ITPR1: variants seen among roughly 807,000 people sequenced by gnomAD.
The protein encoded by ITPR1 is inositol 1,4,5-trisphosphate receptor type 1.
A neutral mutation model predicts 318.4 loss-of-function variants in ITPR1; 96 were observed. The observed-to-expected ratio is 0.30, with a 90% confidence interval of 0.26 to 0.36. The LOEUF (loss-of-function observed/expected upper bound fraction) is 0.36. ITPR1 is among the 10% of genes least tolerant of loss of function. The probability of loss-of-function intolerance (pLI) is 1.00; values close to 1 mark genes in which losing one functional copy is unlikely to be tolerated. For missense variants in ITPR1, 2,440 were observed against 3,460.2 expected, an observed-to-expected ratio of 0.71 and a Z score of 7.40; for synonymous variants, 1,312 against 1,289.9, an observed-to-expected ratio of 1.02 and a Z score of -0.37.
At chr3:4,586,381 C>T (rs940462255) in intron 4 of ITPR1, among the ~76,000 whole-genome samples, 1 of 152,168 alleles carries the variant, frequency 6.6e-6, no homozygotes, top group African/African-American at 2.4e-5. Context: ...TTAACATGCC[C>T]ACAGCAACAT....
At chr3:4,702,582 A>T (rs891791709) in intron 35 of ITPR1, among the ~76,000 whole-genome samples, 13 of 152,206 alleles carry the variant, frequency 8.5e-5, no homozygotes, top group African/African-American at 2.9e-4. Flanking sequence ...CTTAGTTAAA[A>T]TAGCATCAAG....
At chr3:4,626,977 C>A (rs372474531) in intron 4 of ITPR1, among the ~76,000 whole-genome samples, 1 of 152,064 alleles carries the variant, frequency 6.6e-6, no homozygotes, top group South Asian at 2.1e-4. Flanking sequence ...TACCACTATA[C>A]CTGGCTAATT....
At chr3:4,521,793 C>G (rs992667808) in intron 4 of ITPR1, among the ~76,000 whole-genome samples, 1 of 152,160 alleles carries the variant, frequency 6.6e-6, no homozygotes, top group Non-Finnish European at 1.5e-5. Context: ...TCACCTGAGC[C>G]TGGGAGTTCC....
chr3:4,777,935 G>A (rs1479091531), intron 48 of ITPR1, among the ~76,000 whole-genome samples: 1 of 152,176 alleles, frequency 6.6e-6, no homozygotes, highest in Non-Finnish European at 1.5e-5. Flanking sequence ...ATGTGCCTGC[G>A]GGCCTCTGCT....
Position 4,693,549 on chromosome 3 carries a change from T to G in ITPR1, c.4089T>G (p.Thr1363=), listed in dbSNP as rs1260909358. ...ACAACGACAGAGCCTCTTTCCAGAC[T>G]CTGATCCAGATGATGCGGTCAGAAC... The part of the protein sequence containing the change: ...VFYNDRASFQ[T]LIQMMRSERD... Residue 1363 remains threonine, a synonymous_variant, in exon 33 of 62, where the codon ACT becomes ACG. Coordinates refer to ENST00000649015, the MANE Select transcript of ITPR1 (RefSeq NM_001378452.1). 1 of 1,614,012 alleles carries G rather than the reference T, an allele frequency of 6.2e-7. No individual in the cohort carries two copies. Among genetic ancestry groups the G allele is most frequent in the Admixed American group, 1.7e-5 (1 of 60,030 alleles).
intron 5 of ITPR1, among the ~76,000 whole-genome samples, chr3:4,632,291 A>G (rs2093037998): frequency 6.6e-6 from 1 of 152,180 alleles, no homozygotes; most frequent in Non-Finnish European, 1.5e-5. Context: ...TGGTATAAAG[A>G]TCATTTTGTT....
chr3:4,590,174 C>CTTTT (rs10713337), intron 4 of ITPR1, among the ~76,000 whole-genome samples: 82 of 87,432 alleles, frequency 9.4e-4, no homozygotes, highest in East Asian at 1.8e-3. Flanking sequence ...CTTCGTCTTG[C>CTTTT]TTTTTTTTTT....
At position 4,535,568 on chromosome 3, in the gene ITPR1, G is replaced by A. The variant is rs534009228; in HGVS notation, c.163+14474G>A. Among the ~76,000 whole-genome samples, 835 of 147,940 alleles carry A rather than the reference G, an allele frequency of 5.6e-3. 6 individuals are homozygous for A. The highest frequency in any genetic ancestry group is 0.02 in the African/African-American group (805 of 40,232). Reference sequence around the variant, plus strand: ...CACCATTCTCCTGCCTCAGCCTCCCGAGTAGCTGGGACTACAGGTGCCTGC... The same window carrying A: ...CACCATTCTCCTGCCTCAGCCTCCCAAGTAGCTGGGACTACAGGTGCCTGC... On this transcript the variant is annotated intron_variant, in intron 4 of 61. Coordinates refer to ENST00000649015, the MANE Select transcript of ITPR1 (RefSeq NM_001378452.1).
intron 45 of ITPR1, among the ~76,000 whole-genome samples, chr3:4,767,858 A>G (rs1344449073): frequency 6.6e-6 from 1 of 152,080 alleles, no homozygotes; most frequent in East Asian, 1.9e-4. Flanking sequence ...TCATGTCACC[A>G]CCGCAAGATA....
intron 60 of ITPR1, among the ~76,000 whole-genome samples, chr3:4,835,680 T>C (rs2050856071): frequency 6.6e-6 from 1 of 152,148 alleles, no homozygotes; most frequent in African/African-American, 2.4e-5. Flanking sequence ...AATGAGTCAG[T>C]TTTCTTCCCC....
chr3:4,508,796 G>C (rs2081584072), intron 2 of ITPR1, among the ~76,000 whole-genome samples: 1 of 152,132 alleles, frequency 6.6e-6, no homozygotes, highest in Non-Finnish European at 1.5e-5. Context: ...AGAAGGCGGG[G>C]GAGTTGAGTT....
At chr3:4,718,688 A>G (rs1018453513) in intron 40 of ITPR1, among the ~76,000 whole-genome samples, 1 of 152,180 alleles carries the variant, frequency 6.6e-6, no homozygotes, top group Non-Finnish European at 1.5e-5. Context: ...CCTTATATTA[A>G]TTAGACGGGA....
At chr3:4,761,423 G>T (rs932708430) in intron 44 of ITPR1, among the ~76,000 whole-genome samples, 2 of 152,180 alleles carry the variant, frequency 1.3e-5, no homozygotes, top group Non-Finnish European at 2.9e-5. Flanking sequence ...CATCCATTTT[G>T]CTGCAGAGGA....
At position 4,663,102 on chromosome 3, in the gene ITPR1, G is replaced by A. The variant is rs752031193; in HGVS notation, c.1450G>A (p.Val484Ile). Residue 484 changes from valine to isoleucine, a missense_variant, in exon 16 of 62, where the codon GTC becomes ATC. By Grantham distance (29) the Val-to-Ile change is conservative (BLOSUM62 3). Transcript: ENST00000649015. ...GCTGCTAGAAGATTTGGTTTACTTC[G>A]TCACTGGTGGAACTAATTCTGGTCA... ...TKLLEDLVYF[V>I]TGGTNSGQDV... 6.7e-5 allele frequency: 108 copies of A among 1,613,518 alleles called. No individual in the cohort carries two copies. Among genetic ancestry groups the A allele is most frequent in the Admixed American group, 6.7e-5 (4 of 59,986 alleles).
rs1354522314 is a variant in ITPR1 at position 4,609,100 on chromosome 3, G to T, written c.164-18663G>T. Reference sequence around the variant, plus strand: ...TATATATATATATATACACACACACGTATGTCAGTGGTGGTGTTGAGACAT... The same window carrying T: ...TATATATATATATATACACACACACTTATGTCAGTGGTGGTGTTGAGACAT... On this transcript the variant is annotated intron_variant, in intron 4 of 61. Coordinates refer to ENST00000649015, the MANE Select transcript of ITPR1 (RefSeq NM_001378452.1). 1.4e-4 allele frequency among the ~76,000 whole-genome samples: 8 copies of T among 55,268 alleles called. 1 individual carries two copies. The highest frequency in any genetic ancestry group is 3.6e-4 in the African/African-American group (7 of 19,502). 36.3% of individuals were successfully genotyped at this position (55,268 alleles called of 152,430 possible).
intron 3 of ITPR1, among the ~76,000 whole-genome samples, chr3:4,520,183 C>G (rs1168920869): frequency 6.6e-6 from 1 of 152,156 alleles, no homozygotes; most frequent in Non-Finnish European, 1.5e-5. Context: ...TCTATCAGTA[C>G]CAGTTTTAGG....
At chr3:4,581,356 A>G (rs1048886812) in intron 4 of ITPR1, among the ~76,000 whole-genome samples, 3 of 151,440 alleles carry the variant, frequency 2.0e-5, no homozygotes, top group African/African-American at 7.3e-5. Flanking sequence ...TCCTGACTTC[A>G]CTCCCTGGTG....
intron 4 of ITPR1, among the ~76,000 whole-genome samples, chr3:4,625,874 C>T (rs1419311924): frequency 1.3e-5 from 2 of 152,110 alleles, no homozygotes; most frequent in East Asian, 3.9e-4. Flanking sequence ...ATTAATTTTA[C>T]TCTTCAGATA....
At chr3:4,499,615 C>A (rs1299379738) in intron 2 of ITPR1, among the ~76,000 whole-genome samples, 4 of 152,180 alleles carry the variant, frequency 2.6e-5, no homozygotes, top group Admixed American at 2.0e-4. Flanking sequence ...TCACTAATCT[C>A]TGTATTTCCT....
Sources: allele counts gnomAD v4.1 joint callset (sites outside exome capture counted in the v4.1 genomes callset), GRCh38; gene constraint gnomAD v4.1.1; transcripts MANE v1.5; gene names NCBI Gene and HGNC (gene_info 2026-07-23, HGNC 2026-07-21).